SCAPER: variants seen among roughly 807,000 people sequenced by gnomAD.
SCAPER encodes the protein S phase cyclin A-associated protein in the endoplasmic reticulum.
SCAPER carries 98 observed loss-of-function variants against 182.2 expected under a neutral mutation model. That is an observed-to-expected ratio of 0.54 (90% CI 0.46 to 0.64). The LOEUF (loss-of-function observed/expected upper bound fraction) is 0.64. Ranked by LOEUF, SCAPER falls within the 30% of genes least tolerant of loss-of-function variation. The pLI, the probability that SCAPER is intolerant of heterozygous loss-of-function variation, is 0.00. For synonymous variants in SCAPER, 605 were observed against 564.6 expected (o/e 1.07, Z -1.01); for missense variants, 1,432 against 1,690.0 (o/e 0.85, Z 2.68).
intron 8 of SCAPER, among the ~76,000 whole-genome samples, chr15:76,786,963 T>C (rs962915579): frequency 6.6e-6 from 1 of 152,096 alleles, no homozygotes; most frequent in African/African-American, 2.4e-5. Context: ...TATAAAATGC[T>C]GATGAAAGAA....
At chr15:76,699,322 G>A (rs2058807936) in intron 20 of SCAPER, among the ~76,000 whole-genome samples, 1 of 152,096 alleles carries the variant, frequency 6.6e-6, no homozygotes, top group African/African-American at 2.4e-5. Flanking sequence ...GGCGAGAGTG[G>A]GAATCCTTGT....
chr15:76,400,536 A>G (rs16968201), intron 27 of SCAPER, among the ~76,000 whole-genome samples: 12,745 of 152,264 alleles, frequency 0.084, 619 homozygotes, highest in African/African-American at 0.12. Flanking sequence ...AGGAGGTAGA[A>G]AAAACTCCCT....
intron 26 of SCAPER, among the ~76,000 whole-genome samples, chr15:76,416,001 G>C (rs1371842648): frequency 6.6e-6 from 1 of 152,010 alleles, no homozygotes; most frequent in East Asian, 1.9e-4. Context: ...GACTAAGTGT[G>C]AAAAAGCATT....
intron 5 of SCAPER, among the ~76,000 whole-genome samples, chr15:76,810,387 C>A (rs890950169): frequency 6.6e-6 from 1 of 151,706 alleles, no homozygotes; most frequent in Admixed American, 6.6e-5. Context: ...AAAGGAGAGA[C>A]TTCTTGAATG....
At chr15:76,402,444 A>G in intron 27 of SCAPER, among the ~76,000 whole-genome samples, 1 of 152,172 alleles carries the variant, frequency 6.6e-6, no homozygotes, top group Non-Finnish European at 1.5e-5. Context: ...CATAATGTAC[A>G]TATCATACCG....
Position 76,621,777 on chromosome 15 carries a change from G to C in SCAPER, c.2698C>G (p.Pro900Ala), listed in dbSNP as rs751772882. ...METKNSGSDSPYKAKLQRLAK... is the reference protein window; with the variant it reads ...METKNSGSDSAYKAKLQRLAK... ...TGGAATACTCACTTTGCTTTATAAG[G>C]TGAATCAGAGCCAGAATTTTTGGTT... Residue 900 changes from proline (P) to alanine (A), a missense_variant, in exon 22 of 32, where the codon CCT (proline) becomes GCT (alanine). Pro to Ala is a conservative substitution (Grantham distance 27). Around this residue, in one of 5 missense-constraint regions of SCAPER, gnomAD observed 718 missense variants for 799.7 expected, o/e 0.90. Transcript: ENST00000563290. The C allele has an allele frequency of 1.9e-6, 3 of 1,607,294 alleles. No homozygotes were observed. The highest frequency in any genetic ancestry group is 4.5e-5 in the East Asian group (2 of 44,778).
rs78164535 is a variant in SCAPER, at chr15:76,778,085, A to G, written c.773-2968T>C. On this transcript the variant is annotated intron_variant, in intron 8 of 31. Transcript: ENST00000563290. ...CATGGATACTCAAAATATAGTTTCT[A>G]TTGAATGCATATTGCTATCACAGCA... 8.1e-3 allele frequency among the ~76,000 whole-genome samples: 1,231 copies of G among 152,322 alleles called. 13 individuals carry two copies. Among genetic ancestry groups the G allele is most frequent in the African/African-American group, 0.028 (1,167 of 41,568 alleles).
intron 21 of SCAPER, among the ~76,000 whole-genome samples, chr15:76,633,080 G>A (rs1597820493): frequency 6.6e-6 from 1 of 152,272 alleles, no homozygotes. Flanking sequence ...TGCCCAGCCT[G>A]CTGCTGACCT....
intron 20 of SCAPER, among the ~76,000 whole-genome samples, chr15:76,675,273 A>G (rs553833990): frequency 2.6e-5 from 4 of 152,358 alleles, no homozygotes; most frequent in Admixed American, 6.5e-5. Flanking sequence ...TATAATATTT[A>G]TATCTCTCAA....
chr15:76,579,622 G>T (rs545035819), intron 22 of SCAPER, among the ~76,000 whole-genome samples: 1 of 151,258 alleles, frequency 6.6e-6, no homozygotes, highest in Admixed American at 6.6e-5. Context: ...AGGAAGAAAA[G>T]AAGGAAAAGA....
chr15:76,615,492 GACACACACACACAC>G (rs200914871), intron 22 of SCAPER, among the ~76,000 whole-genome samples: 26 of 140,766 alleles, frequency 1.8e-4, no homozygotes, highest in African/African-American at 3.7e-4. Flanking sequence ...CACACACACA[GACACACACACACAC>G]ACACACACAC....
At chr15:76,399,430 G>A (rs2044302617) in intron 27 of SCAPER, among the ~76,000 whole-genome samples, 1 of 152,060 alleles carries the variant, frequency 6.6e-6, no homozygotes, top group Non-Finnish European at 1.5e-5. Flanking sequence ...CACCACACCT[G>A]GCCAGAAATA....
In SCAPER at chr15:76,680,003, A is replaced by T. The variant is rs570145083; in HGVS notation, c.2509-14214T>A. Among the ~76,000 whole-genome samples, 6 of 152,346 alleles carry T rather than the reference A, an allele frequency of 3.9e-5. No homozygotes were observed. In the South Asian group the frequency reaches 1.2e-3, roughly 32 times the overall value. ...TTCTCAGAATTCTCAGATTTCAAAT[A>T]CAGCAACTTGACTAGTAACAGGCTT... On this transcript the variant is annotated intron_variant, in intron 20 of 31. Coordinates refer to ENST00000563290, the MANE Select transcript of SCAPER (RefSeq NM_020843.4).
rs574609520 is a variant in SCAPER at position 76,737,955 on chromosome 15, T to C, written c.1867-4571A>G. On this transcript the variant is annotated intron_variant, in intron 15 of 31. Coordinates refer to ENST00000563290, the MANE Select transcript of SCAPER (RefSeq NM_020843.4). ...TAGGCTTTGGCTTAACGGAATGTTGTGGCTGGTTTGATCTTCTATCCAGAC... is the reference window on the plus strand; with the variant it reads ...TAGGCTTTGGCTTAACGGAATGTTGCGGCTGGTTTGATCTTCTATCCAGAC... Among the ~76,000 whole-genome samples, 510 of 152,358 alleles carry C rather than the reference T, an allele frequency of 3.3e-3. 1 individual carries two copies. Among genetic ancestry groups the C allele is most frequent in the African/African-American group, 0.011 (450 of 41,584 alleles).
At chr15:76,811,357 G>T (rs1420661570) in intron 5 of SCAPER, among the ~76,000 whole-genome samples, 6 of 152,074 alleles carry the variant, frequency 3.9e-5, no homozygotes, top group Admixed American at 2.6e-4. Flanking sequence ...AGGCAGTGAG[G>T]AGTCACAGAA....
At chr15:76,748,268 G>A (rs988307824) in intron 15 of SCAPER, among the ~76,000 whole-genome samples, 12 of 152,078 alleles carry the variant, frequency 7.9e-5, no homozygotes, top group African/African-American at 2.9e-4. Flanking sequence ...GGGATTACAG[G>A]CGTGAGCCAC....
chr15:76,679,991 C>G (rs2057597244), intron 20 of SCAPER, among the ~76,000 whole-genome samples: 1 of 152,182 alleles, frequency 6.6e-6, no homozygotes, highest in South Asian at 2.1e-4. Context: ...TCAGAATTCT[C>G]AGATTTCAAA....
chr15:76,408,832 C>G (rs990361448), intron 26 of SCAPER, among the ~76,000 whole-genome samples: 1 of 152,038 alleles, frequency 6.6e-6, no homozygotes, highest in East Asian at 1.9e-4. Context: ...AAAGTGATCA[C>G]ACAAAACTTC....
intron 10 of SCAPER, among the ~76,000 whole-genome samples, chr15:76,767,377 G>A (rs769369003): frequency 3.9e-5 from 6 of 152,038 alleles, no homozygotes; most frequent in Non-Finnish European, 7.4e-5. Context: ...TAAATAACAG[G>A]TAGTGTGAAT....
Sources: allele counts gnomAD v4.1 joint callset (sites outside exome capture counted in the v4.1 genomes callset), GRCh38; gene constraint gnomAD v4.1.1; regional missense constraint gnomAD v4.1.1; transcripts MANE v1.5; gene names NCBI Gene and HGNC (gene_info 2026-07-23, HGNC 2026-07-21).